The following PDE1C variants were observed in gnomAD, a reference collection of about 807,000 sequenced individuals.
The protein encoded by PDE1C is phosphodiesterase 1C, also known as dual specificity calcium/calmodulin-dependent 3',5'-cyclic nucleotide phosphodiesterase 1C.
In PDE1C, 62 loss-of-function variants were observed where a neutral mutation model predicts 93.1. The observed-to-expected ratio is 0.67, with a 90% confidence interval of 0.54 to 0.82. The LOEUF (loss-of-function observed/expected upper bound fraction) is 0.82. PDE1C is among the 40% of genes least tolerant of loss of function. PDE1C has a pLI of 0.00. For synonymous variants in PDE1C, 325 were observed against 310.1 expected (o/e 1.05, Z -0.50); for missense variants, 742 against 884.6 (o/e 0.84, Z 2.04).
intron 2 of PDE1C, among the ~76,000 whole-genome samples, chr7:31,890,887 T>C: frequency 6.6e-6 from 1 of 152,164 alleles, no homozygotes; most frequent in East Asian, 1.9e-4. Context: ...TGAATGTGTG[T>C]GTGAAGACAG....
chr7:32,116,756 C>T (rs988775523), intron 3 of PDE1C, among the ~76,000 whole-genome samples: 1 of 152,166 alleles, frequency 6.6e-6, no homozygotes, highest in Admixed American at 6.5e-5. Context: ...TGTCAGTCCA[C>T]ATTCCCTATT....
intron 2 of PDE1C, among the ~76,000 whole-genome samples, chr7:31,961,244 G>GTATA (rs749011944): frequency 8.8e-4 from 115 of 130,422 alleles, no homozygotes; most frequent in African/African-American, 2.4e-3. Context: ...ATATGTATAT[G>GTATA]TATATATATA....
At chr7:31,963,918 T>C (rs1461908391) in intron 2 of PDE1C, among the ~76,000 whole-genome samples, 2 of 152,224 alleles carry the variant, frequency 1.3e-5, no homozygotes, top group Admixed American at 6.5e-5. Flanking sequence ...AGTTAGTAAA[T>C]ACTAAATCAT....
At chr7:32,411,668 C>T (rs1224954774) in intron 1 of PDE1C, among the ~76,000 whole-genome samples, 5 of 152,014 alleles carry the variant, frequency 3.3e-5, no homozygotes, top group Non-Finnish European at 7.4e-5. Flanking sequence ...TACACTTAGG[C>T]GACACTAAAT....
intron 1 of PDE1C, among the ~76,000 whole-genome samples, chr7:32,364,058 T>C (rs1294032088): frequency 6.6e-6 from 1 of 151,870 alleles, no homozygotes; most frequent in Non-Finnish European, 1.5e-5. Flanking sequence ...GGATTCAGCA[T>C]CTGAACTCTC....
At chr7:32,191,395 C>A (rs537198562) in intron 2 of PDE1C, among the ~76,000 whole-genome samples, 1 of 151,978 alleles carries the variant, frequency 6.6e-6, no homozygotes, top group Non-Finnish European at 1.5e-5. Flanking sequence ...CACCCTACCC[C>A]CTCTTTTAAC....
At chr7:32,077,827 C>T in intron 3 of PDE1C, 1 of 981,428 alleles carries the variant, frequency 1.0e-6, no homozygotes, top group South Asian at 4.7e-5. Context: ...CCTCGGCCTC[C>T]CAAAATGCTG....
At chr7:32,178,521 G>C (rs1803158467) in intron 2 of PDE1C, among the ~76,000 whole-genome samples, 2 of 152,320 alleles carry the variant, frequency 1.3e-5, no homozygotes, top group South Asian at 4.1e-4. Flanking sequence ...ATTCACACAG[G>C]TCTTTCTCAA....
intron 16 of PDE1C, among the ~76,000 whole-genome samples, chr7:31,782,783 C>T (rs929629081): frequency 6.6e-6 from 1 of 152,132 alleles, no homozygotes; most frequent in Admixed American, 6.5e-5. Flanking sequence ...CAGAAGAAAC[C>T]GTATATAACC....
chr7:32,196,408 C>T (rs752078263), intron 2 of PDE1C, among the ~76,000 whole-genome samples: 1 of 151,918 alleles, frequency 6.6e-6, no homozygotes, highest in African/African-American at 2.4e-5. Context: ...GTTGTCATTT[C>T]CAGGTTTTTA....
chr7:32,192,841 G>A (rs982330678), intron 2 of PDE1C, among the ~76,000 whole-genome samples: 2 of 152,006 alleles, frequency 1.3e-5, no homozygotes, highest in Non-Finnish European at 2.9e-5. Context: ...TTATTTAGAT[G>A]TTATTTGATT....
chr7:31,935,687 C>T (rs182846045), intron 2 of PDE1C, among the ~76,000 whole-genome samples: 8 of 152,112 alleles, frequency 5.3e-5, no homozygotes, highest in East Asian at 1.9e-4. Context: ...ATCCGGTCAG[C>T]GTAACTAACA....
intron 1 of PDE1C, among the ~76,000 whole-genome samples, chr7:32,409,768 C>T (rs1035698145): frequency 1.3e-5 from 2 of 151,806 alleles, no homozygotes; most frequent in South Asian, 2.1e-4. Context: ...TATATATTCA[C>T]ACATATATCT....
At chr7:32,204,740 A>C (rs1183133395) in intron 2 of PDE1C, among the ~76,000 whole-genome samples, 1 of 152,210 alleles carries the variant, frequency 6.6e-6, no homozygotes, top group African/African-American at 2.4e-5. Context: ...CAGACCCTCA[A>C]GCCTCAGCTA....
chr7:31,699,692 T>A, the PDE1C span, among the ~76,000 whole-genome samples: 1,308 of 152,214 alleles, frequency 8.6e-3, 21 homozygotes, highest in African/African-American at 0.029. Flanking sequence ...ATCTAGCAAG[T>A]CTATTTTTCC....
intron 2 of PDE1C, among the ~76,000 whole-genome samples, chr7:32,178,104 C>A (rs973268998): frequency 6.6e-6 from 1 of 152,138 alleles, no homozygotes; most frequent in African/African-American, 2.4e-5. Context: ...AGAAATTAAG[C>A]CGGAGCTTAA....
chr7:31,993,475 A>G (rs1784380723), intron 2 of PDE1C, among the ~76,000 whole-genome samples: 1 of 152,212 alleles, frequency 6.6e-6, no homozygotes, highest in Admixed American at 6.5e-5. Flanking sequence ...GATGGAGGGC[A>G]TATCACAAGT....
chr7:32,389,190 G>GT (rs3079660), intron 1 of PDE1C, among the ~76,000 whole-genome samples: 85 of 127,890 alleles, frequency 6.6e-4, no homozygotes, highest in African/African-American at 1.6e-3. Context: ...GTGTGTGTGT[G>GT]GTTTTTTTGG....
At chr7:32,024,536 C>T (rs1168089063) in intron 2 of PDE1C, among the ~76,000 whole-genome samples, 5 of 151,960 alleles carry the variant, frequency 3.3e-5, no homozygotes, top group Non-Finnish European at 7.4e-5. Context: ...ATTCTTAATT[C>T]CTCACTCTCT....
Sources: allele counts gnomAD v4.1 joint callset (sites outside exome capture counted in the v4.1 genomes callset), GRCh38; gene constraint gnomAD v4.1.1; transcripts MANE v1.5; gene names NCBI Gene and HGNC (gene_info 2026-07-23, HGNC 2026-07-21).